The following ZMIZ1 variants were observed in gnomAD, a reference collection of about 807,000 sequenced individuals.
The protein encoded by ZMIZ1 is zinc finger MIZ domain-containing protein 1.
ZMIZ1 carries 17 observed loss-of-function variants against 113.9 expected under a neutral mutation model. The observed-to-expected ratio is 0.15, with a 90% confidence interval of 0.10 to 0.22. The LOEUF is 0.22. ZMIZ1 is among the 10% of genes least tolerant of loss of function. ZMIZ1 has a pLI of 1.00. For missense variants in ZMIZ1, 1,059 were observed against 1,477.8 expected, an observed-to-expected ratio of 0.72 and a Z score of 4.65; for synonymous variants, 607 against 603.1, an observed-to-expected ratio of 1.01 and a Z score of -0.09.
chr10:79,157,761 A>G lies in ZMIZ1; in HGVS notation c.-130-4292A>G, dbSNP rs563916572. Reference sequence around the variant, plus strand: ...AGGCGGGGCAGCCAGCCCCATTTGGATAACCATGGGGTAAATATTTGCCTT... The same window carrying G: ...AGGCGGGGCAGCCAGCCCCATTTGGGTAACCATGGGGTAAATATTTGCCTT... On this transcript the variant is annotated intron_variant, in intron 3 of 24. Transcript: ENST00000334512. Among the ~76,000 whole-genome samples, 3 of 152,268 alleles carry G rather than the reference A, an allele frequency of 2.0e-5. No individual in the cohort carries two copies. In the East Asian group the frequency reaches 5.8e-4, roughly 30 times the overall value.
chr10:79,129,164 C>A (rs1844644320), intron 2 of ZMIZ1, among the ~76,000 whole-genome samples: 1 of 152,160 alleles, frequency 6.6e-6, no homozygotes, highest in East Asian at 1.9e-4. Context: ...GTCACTCTCC[C>A]CCACCTCCCA....
At chr10:79,278,723 C>T (rs1054735342) in intron 8 of ZMIZ1, among the ~76,000 whole-genome samples, 6 of 151,882 alleles carry the variant, frequency 4.0e-5, no homozygotes, top group African/African-American at 1.2e-4. Flanking sequence ...TTAGTGGACA[C>T]AGCACATGTT....
At chr10:79,294,065 A>G in intron 12 of ZMIZ1, 1 of 276,006 alleles carries the variant, frequency 3.6e-6, no homozygotes, top group South Asian at 4.4e-5. Flanking sequence ...GAGCTGAGAC[A>G]AAATGCTTCC....
At chr10:79,175,321 C>T (rs1846780778) in intron 4 of ZMIZ1, among the ~76,000 whole-genome samples, 1 of 152,232 alleles carries the variant, frequency 6.6e-6, no homozygotes, top group South Asian at 2.1e-4. Flanking sequence ...TGCCCGTCTG[C>T]CTCTGGCTCT....
intron 1 of ZMIZ1, among the ~76,000 whole-genome samples, chr10:79,101,396 T>C (rs1269607245): frequency 1.3e-5 from 2 of 152,070 alleles, no homozygotes; most frequent in African/African-American, 2.4e-5. Flanking sequence ...GGGGGGATGC[T>C]GTCAGAGGGG....
chr10:79,132,933 T>C (rs1384876978), intron 2 of ZMIZ1, among the ~76,000 whole-genome samples: 1 of 152,124 alleles, frequency 6.6e-6, no homozygotes, highest in Non-Finnish European at 1.5e-5. Context: ...CCTGCTCCGA[T>C]GAGCTGGACC....
chr10:79,272,388 GT>G (rs1249948079), intron 7 of ZMIZ1, among the ~76,000 whole-genome samples: 1 of 152,256 alleles, frequency 6.6e-6, no homozygotes, highest in Non-Finnish European at 1.5e-5. Context: ...CTAAGGTCAC[GT>G]AGGTGTGAAG....
chr10:79,162,562 G>C (rs1447241102), intron 4 of ZMIZ1, among the ~76,000 whole-genome samples: 2 of 152,190 alleles, frequency 1.3e-5, no homozygotes, highest in African/African-American at 4.8e-5. Context: ...CAAACATGCC[G>C]AGATGGATAC....
At chr10:79,291,852 C>T (rs968519111) in intron 10 of ZMIZ1, among the ~76,000 whole-genome samples, 5 of 152,204 alleles carry the variant, frequency 3.3e-5, no homozygotes, top group South Asian at 2.1e-4. Flanking sequence ...GCCGCAGCTC[C>T]GCCATCAATG....
At chr10:79,189,655 A>G (rs1037804033) in intron 4 of ZMIZ1, among the ~76,000 whole-genome samples, 1 of 152,238 alleles carries the variant, frequency 6.6e-6, no homozygotes, top group South Asian at 2.1e-4. Context: ...CTGCCCATCT[A>G]AGATGGGGTG....
At chr10:79,201,253 A>G (rs938651385) in intron 4 of ZMIZ1, among the ~76,000 whole-genome samples, 2 of 152,180 alleles carry the variant, frequency 1.3e-5, no homozygotes, top group Non-Finnish European at 2.9e-5. Flanking sequence ...GGTTGCAATG[A>G]GCCGAGATCG....
At chr10:79,127,269 G>C (rs892759925) in intron 2 of ZMIZ1, among the ~76,000 whole-genome samples, 1 of 152,120 alleles carries the variant, frequency 6.6e-6, no homozygotes, top group Admixed American at 6.5e-5. Flanking sequence ...CCTGGGCTCG[G>C]CCGGTCTGTG....
intron 10 of ZMIZ1, among the ~76,000 whole-genome samples, chr10:79,291,380 C>T (rs1472885486): frequency 6.6e-6 from 1 of 152,390 alleles, no homozygotes; most frequent in East Asian, 1.9e-4. Flanking sequence ...GGCCTGTGTT[C>T]TGACAGTCGT....
chr10:79,310,172 G>A (rs1484014857), intron 23 of ZMIZ1, among the ~76,000 whole-genome samples: 1 of 152,180 alleles, frequency 6.6e-6, no homozygotes, highest in African/African-American at 2.4e-5. Context: ...TGTCCTTGGA[G>A]TCCCAGAGGT....
intron 1 of ZMIZ1, among the ~76,000 whole-genome samples, chr10:79,070,832 G>T (rs535430334): frequency 1.3e-5 from 2 of 151,222 alleles, no homozygotes; most frequent in Non-Finnish European, 2.9e-5. Flanking sequence ...GAGCCTGCCC[G>T]CCTGCCTCCC....
At chr10:79,234,613 T>C (rs1849520413) in intron 7 of ZMIZ1, among the ~76,000 whole-genome samples, 1 of 152,214 alleles carries the variant, frequency 6.6e-6, no homozygotes, top group Admixed American at 6.5e-5. Context: ...ACATTTAACA[T>C]ACTTAATAGA....
At chr10:79,273,602 C>T (rs938664099) in intron 7 of ZMIZ1, among the ~76,000 whole-genome samples, 5 of 152,236 alleles carry the variant, frequency 3.3e-5, no homozygotes, top group Admixed American at 1.3e-4. Flanking sequence ...AAGTGATCTG[C>T]CCGCCTCAGC....
chr10:79,100,694 C>G (rs764327553), intron 1 of ZMIZ1, among the ~76,000 whole-genome samples: 44 of 152,148 alleles, frequency 2.9e-4, no homozygotes, highest in Non-Finnish European at 6.2e-4. Context: ...CTGCTGCGTT[C>G]CAGGAGAGAG....
At chr10:79,191,788 C>T (rs567512898) in intron 4 of ZMIZ1, among the ~76,000 whole-genome samples, 1 of 152,288 alleles carries the variant, frequency 6.6e-6, no homozygotes, top group South Asian at 2.1e-4. Context: ...GTAGTGTGAC[C>T]CTAAGCAAAT....
Sources: gnomAD v4.1 joint callset for allele counts (sites outside exome capture counted in the v4.1 genomes callset) on GRCh38, gnomAD v4.1.1 for gene constraint, MANE v1.5 for transcripts, NCBI Gene and HGNC (gene_info 2026-07-23, HGNC 2026-07-21) for gene names.